Variants in ASCC1 observed in about 807,000 individuals in gnomAD.
ASCC1 encodes the protein activating signal cointegrator 1 complex subunit 1, also known as ASC-1 complex subunit P50.
In ASCC1, 35 loss-of-function variants were observed where a neutral mutation model predicts 46.6. That is an observed-to-expected ratio of 0.75 (90% CI 0.57 to 0.99). The LOEUF (loss-of-function observed/expected upper bound fraction) is 0.99. ASCC1 is among the 50% of genes least tolerant of loss of function. ASCC1 has a pLI of 0.00. For missense variants in ASCC1, 376 were observed against 428.7 expected (o/e 0.88, Z 1.09); for synonymous variants, 143 against 146.6 (o/e 0.98, Z 0.18).
At position 72,141,077 on chromosome 10, in the gene ASCC1, A is replaced by ATAGG. The variant is rs1846927185; in HGVS notation, c.747-7897_747-7896insCCTA. Among the ~76,000 whole-genome samples the ATAGG allele has an allele frequency of 2.7e-5, 4 of 150,300 alleles. 1 individual carries two copies. In the Admixed American group the frequency reaches 2.7e-4, roughly 10 times the overall value. On this transcript the variant is annotated intron_variant, in intron 7 of 9. Transcript: ENST00000672957. Reference sequence around the variant, plus strand: ...GATAGATAGATAGATAGATAGATAGATAGATAGATATAGATATAGACATAG... The same window carrying ATAGG: ...GATAGATAGATAGATAGATAGATAGATAGGTAGATAGATATAGATATAGACATAG...
Position 72,100,250 on chromosome 10 carries a change from ACT to A in ASCC1, c.958-2802_958-2801del, listed in dbSNP as rs957457789. Among the ~76,000 whole-genome samples, 372 of 138,276 alleles carry A rather than the reference ACT, an allele frequency of 2.7e-3. 3 individuals carry two copies. Among genetic ancestry groups the A allele is most frequent in the African/African-American group, 8.9e-3 (330 of 37,204 alleles). 90.7% of individuals were successfully genotyped at this position (138,276 alleles called of 152,430 possible). ...ATATCTTTTTTTTTTTTTTAGACGG[ACT>A]CTCTCTCTCTCTGTCACCCCGGCTG... On this transcript the variant is annotated intron_variant, in intron 9 of 9. Transcript: ENST00000672957.
At position 72,153,115 on chromosome 10, in the gene ASCC1, T is replaced by C. The variant is rs143523847; in HGVS notation, c.627-127A>G. ...TTACATGTGTACAAAAACATGGTAG[T>C]TGTGTTTTTTCCTAACATTATCTAA... On this transcript the variant is annotated intron_variant, in intron 6 of 9. Transcript: ENST00000672957. 1.1e-4 allele frequency: 143 copies of C among 1,251,382 alleles called. No individual in the cohort carries two copies. In the African/African-American group the frequency reaches 1.9e-3, roughly 17 times the overall value. 77.5% of individuals were successfully genotyped at this position (1,251,382 alleles called of 1,614,324 possible).
In ASCC1 at chr10:72,213,217, G is replaced by C. The variant is rs769755132; in HGVS notation, c.82C>G (p.His28Asp). ...KNPVQEQTYQHEEDEEDFYQG... is the reference protein window; with the variant it reads ...KNPVQEQTYQDEEDEEDFYQG... ...TAGAAGTCCTCTTCATCTTCTTCAT[G>C]TTGATAGGTCTGTTCTTGGACTGGA... The change falls in exon 2 of 10, where the codon CAT becomes GAT. Residue 28 changes from histidine (H) to aspartate (D), a missense_variant. Coordinates refer to ENST00000672957, the MANE Select transcript of ASCC1 (RefSeq NM_001198800.3). 2.5e-6 allele frequency: 4 copies of C among 1,613,630 alleles called. No individual in the cohort carries two copies. The highest frequency in any genetic ancestry group is 3.4e-6 in the Non-Finnish European group (4 of 1,179,656).
chr10:72,119,240 G>C (rs574692818), intron 9 of ASCC1, among the ~76,000 whole-genome samples: 9 of 152,336 alleles, frequency 5.9e-5, no homozygotes. Flanking sequence ...AGCAGGGGGA[G>C]GAATAAAAGA....
intron 9 of ASCC1, among the ~76,000 whole-genome samples, chr10:72,110,521 G>A (rs1321667722): frequency 6.6e-6 from 1 of 151,988 alleles, no homozygotes; most frequent in African/African-American, 2.4e-5. Context: ...GGGCGCAGTG[G>A]CCCATGCCTG....
intron 5 of ASCC1, among the ~76,000 whole-genome samples, chr10:72,182,561 T>C (rs1299315573): frequency 2.0e-5 from 3 of 152,084 alleles, no homozygotes; most frequent in Admixed American, 6.6e-5. Flanking sequence ...CTAGATACTA[T>C]ATGGGATAAA....
At chr10:72,131,604 A>G (rs1373517260) in intron 8 of ASCC1, among the ~76,000 whole-genome samples, 2 of 152,192 alleles carry the variant, frequency 1.3e-5, no homozygotes, top group East Asian at 1.9e-4. Context: ...AGATTTATTT[A>G]TAAGTCTTAA....
chr10:72,214,367 CTTTTTTTTTTTTT>C (rs970289326), intron 1 of ASCC1, among the ~76,000 whole-genome samples: 4 of 88,464 alleles, frequency 4.5e-5, no homozygotes, highest in African/African-American at 1.8e-4. Context: ...CACAATATCT[CTTTTTTTTTTTTT>C]TTTTTTTTTT....
At chr10:72,162,413 C>T (rs867890143) in intron 5 of ASCC1, among the ~76,000 whole-genome samples, 5 of 152,000 alleles carry the variant, frequency 3.3e-5, no homozygotes, top group Non-Finnish European at 5.9e-5. Context: ...CCTCATGATC[C>T]GCCCGCCTCA....
At chr10:72,122,933 T>C (rs978629616) in intron 9 of ASCC1, among the ~76,000 whole-genome samples, 1 of 152,166 alleles carries the variant, frequency 6.6e-6, no homozygotes, top group African/African-American at 2.4e-5. Context: ...TAGTGCATGT[T>C]AGAAAAGAAA....
chr10:72,101,865 G>C (rs1230391958), intron 9 of ASCC1, among the ~76,000 whole-genome samples: 1 of 152,126 alleles, frequency 6.6e-6, no homozygotes, highest in Non-Finnish European at 1.5e-5. Context: ...GGAAAGACTG[G>C]AGCAGATGTG....
At chr10:72,101,853 T>C (rs1841803721) in intron 9 of ASCC1, among the ~76,000 whole-genome samples, 1 of 152,040 alleles carries the variant, frequency 6.6e-6, no homozygotes, top group Non-Finnish European at 1.5e-5. Context: ...GGCAGTGGGC[T>C]TGGAAAGACT....
chr10:72,146,925 T>TTTCACATAAAGAAAAAGATTGA (rs748516712), intron 7 of ASCC1, among the ~76,000 whole-genome samples: 8 of 151,972 alleles, frequency 5.3e-5, no homozygotes, highest in Non-Finnish European at 8.8e-5. Flanking sequence ...TGAGCTGTCT[T>TTTCACATAAAGAAAAAGATTGA]TTCACATAAA....
chr10:72,165,668 T>A (rs1344505415), intron 5 of ASCC1, among the ~76,000 whole-genome samples: 1 of 152,242 alleles, frequency 6.6e-6, no homozygotes, highest in African/African-American at 2.4e-5. Context: ...TATTTTTACA[T>A]CTGATGAAAA....
chr10:72,136,789 C>T (rs1296059832), intron 7 of ASCC1, among the ~76,000 whole-genome samples: 1 of 152,122 alleles, frequency 6.6e-6, no homozygotes, highest in Non-Finnish European at 1.5e-5. Flanking sequence ...TCAGCAAGAC[C>T]ATGAACCCAC....
intron 9 of ASCC1, among the ~76,000 whole-genome samples, chr10:72,106,945 C>A (rs1295386396): frequency 1.3e-5 from 2 of 152,052 alleles, no homozygotes; most frequent in African/African-American, 4.8e-5. Flanking sequence ...CAAAGAATGC[C>A]AAGTGGGGAA....
chr10:72,180,341 G>C (rs1351348813), intron 5 of ASCC1, among the ~76,000 whole-genome samples: 3 of 151,028 alleles, frequency 2.0e-5, no homozygotes, highest in Non-Finnish European at 4.4e-5. Context: ...AAATAAAAGA[G>C]CTACCCAGGC....
At chr10:72,187,732 A>C (rs898097663) in intron 5 of ASCC1, among the ~76,000 whole-genome samples, 10 of 150,430 alleles carry the variant, frequency 6.6e-5, no homozygotes, top group Non-Finnish European at 1.2e-4. Flanking sequence ...AAAAAAAAAA[A>C]AAAAAAAAAA....
chr10:72,153,326 C>T (rs1032883692), intron 6 of ASCC1, among the ~76,000 whole-genome samples: 18 of 152,230 alleles, frequency 1.2e-4, no homozygotes, highest in Non-Finnish European at 2.2e-4. Flanking sequence ...ATCTCTCAGG[C>T]GCCCATCTCT....
Sources: allele counts gnomAD v4.1 joint callset (sites outside exome capture counted in the v4.1 genomes callset), GRCh38; gene constraint gnomAD v4.1.1; transcripts MANE v1.5; gene names NCBI Gene and HGNC (gene_info 2026-07-23, HGNC 2026-07-21).